NCAPG2: variants seen among roughly 807,000 people sequenced by gnomAD.
NCAPG2 encodes non-SMC condensin II complex subunit G2.
Under a neutral mutation model 141.1 loss-of-function variants are expected in NCAPG2, and 53 were observed. The observed-to-expected ratio is 0.38, with a 90% CI of 0.30 to 0.47. NCAPG2 has a LOEUF of 0.47. Among genes scored for constraint, NCAPG2 ranks in the 20% least tolerant of loss-of-function variants. The pLI is 0.99. For synonymous variants in NCAPG2, 499 were observed against 490.7 expected, an observed-to-expected ratio of 1.02 and a Z score of -0.22; for missense variants, 1,087 against 1,389.0, an observed-to-expected ratio of 0.78 and a Z score of 3.46.
chr7:158,701,093 C>A (rs1227285580), intron 2 of NCAPG2, among the ~76,000 whole-genome samples: 1 of 152,190 alleles, frequency 6.6e-6, no homozygotes, highest in Non-Finnish European at 1.5e-5. Context: ...TGAATCTGCC[C>A]TCTTCCCACG....
At chr7:158,701,990 T>A in intron 1 of NCAPG2, 52 bp from the exon 2 acceptor site, 1 of 1,146,898 alleles carries the variant, frequency 8.7e-7, no homozygotes, top group Non-Finnish European at 1.2e-6. Flanking sequence ...TCTTTTCCTG[T>A]AAGATTTAAT....
At position 158,680,019 on chromosome 7, in the gene NCAPG2, G is replaced by A; in HGVS notation, c.1087C>T (p.Pro363Ser). 1 of 1,614,102 alleles carries A rather than the reference G, an allele frequency of 6.2e-7. No individual in the cohort carries two copies. The highest frequency in any genetic ancestry group is 8.5e-7 in the Non-Finnish European group (1 of 1,179,964). ...LFVEAFPIRD[P>S]NLHAIEMDSE... is the part of the protein sequence containing the mutation. ...TCCATTTCAATAGCATGAAGGTTTGGATCCCTAATAGGAAATGCTTCAACA... is the reference window on the plus strand; with the variant it reads ...TCCATTTCAATAGCATGAAGGTTTGAATCCCTAATAGGAAATGCTTCAACA... Residue 363 changes from proline (P) to serine (S), a missense_variant, in exon 11 of 28, where the codon CCA becomes TCA. Transcript: ENST00000356309.
At position 158,675,567 on chromosome 7, in the gene NCAPG2, G is replaced by C; in HGVS notation, c.1236C>G (p.Pro412=). The change falls in exon 12 of 28, where the codon CCC becomes CCG. Residue 412 remains proline, a synonymous_variant. Coordinates refer to ENST00000356309, the MANE Select transcript of NCAPG2 (RefSeq NM_017760.7). ...KITSKYWEMM[P]PTILIDLLKK... is the part of the protein sequence containing the mutation. ...TCAGGAGGTCAATAAGAATGGTCGG[G>C]GGCATCATTTCCCAGTACTTAGAAG... The C allele has an allele frequency of 6.2e-7, 1 of 1,613,726 alleles. No individual in the cohort carries two copies.
chr7:158,653,387 A>AAAAAAAAAATAAAAAAAAAATAAT (rs1554553516), intron 22 of NCAPG2, among the ~76,000 whole-genome samples: 1 of 146,092 alleles, frequency 6.8e-6, no homozygotes. Context: ...ATAAAAAAAA[A>AAAAAAAAAATAAAAAAAAAATAAT]AATAATAATA....
intron 11 of NCAPG2, among the ~76,000 whole-genome samples, chr7:158,677,536 A>AAAC (rs1554565991): frequency 6.7e-6 from 1 of 150,194 alleles, no homozygotes; most frequent in Non-Finnish European, 1.5e-5. Flanking sequence ...AAAAAAAAAA[A>AAAC]AAAAAAAAAA....
At chr7:158,690,811 T>A in intron 4 of NCAPG2, 89 bp from the exon 5 acceptor site, 1 of 1,224,566 alleles carries the variant, frequency 8.2e-7, no homozygotes, top group Non-Finnish European at 1.1e-6. Flanking sequence ...ACTTTATATA[T>A]TATTTAAAGC....
intron 2 of NCAPG2, among the ~76,000 whole-genome samples, chr7:158,701,583 G>A (rs190216567): frequency 6.3e-4 from 96 of 152,280 alleles, no homozygotes; most frequent in Non-Finnish European, 1.2e-3. Flanking sequence ...TTTGTTAGAT[G>A]GGTCCTTTCC....
rs750039564 is a variant in NCAPG2 at position 158,654,663 on chromosome 7, A to T, written c.2678T>A (p.Met893Lys). ...TYLTVCKDVV[M>K]VGLGDHQFQM... ...AAACTGATGGTCACCAAGGCCTACC[A>T]TAACAACATCTTTACACACAGTCAG... Residue 893 changes from methionine (M) to lysine (K), a missense_variant, in exon 22 of 28, where the codon ATG becomes AAG. Coordinates refer to ENST00000356309, the MANE Select transcript of NCAPG2 (RefSeq NM_017760.7). The T allele has an allele frequency of 6.2e-7, 1 of 1,614,152 alleles. No individual in the cohort carries two copies. The highest frequency in any genetic ancestry group is 8.5e-7 in the Non-Finnish European group (1 of 1,180,000).
At chr7:158,697,709 G>A (rs1169413076) in intron 2 of NCAPG2, among the ~76,000 whole-genome samples, 2 of 151,930 alleles carry the variant, frequency 1.3e-5, no homozygotes, top group Non-Finnish European at 2.9e-5. Flanking sequence ...ATCAATGATA[G>A]ACTGGATAAA....
intron 23 of NCAPG2, 107 bp downstream of exon 23, chr7:158,652,185 CG>C: frequency 1.8e-6 from 2 of 1,130,608 alleles, no homozygotes. Context: ...CACAACACTG[CG>C]TGTCACCCGA....
At chr7:158,641,978 A>C (rs1830681332) in intron 27 of NCAPG2, among the ~76,000 whole-genome samples, 1 of 152,184 alleles carries the variant, frequency 6.6e-6, no homozygotes, top group Non-Finnish European at 1.5e-5. Context: ...ACACTCACCA[A>C]GAGAGAACAC....
intron 24 of NCAPG2, among the ~76,000 whole-genome samples, chr7:158,647,054 G>GA (rs1563501702): frequency 6.6e-6 from 1 of 151,420 alleles, no homozygotes; most frequent in East Asian, 1.9e-4. Flanking sequence ...AAAGATAAAC[G>GA]AAAGTGTTTA....
At chr7:158,657,980 T>G (rs956381892) in intron 17 of NCAPG2, among the ~76,000 whole-genome samples, 11 of 151,588 alleles carry the variant, frequency 7.3e-5, no homozygotes, top group Non-Finnish European at 1.5e-4. Flanking sequence ...TCATCACCAC[T>G]CCCTAATCTC....
chr7:158,668,205 CTCCGCCCCCCCT>C, intron 13 of NCAPG2: 1 of 490,950 alleles, frequency 2.0e-6, no homozygotes, highest in African/African-American at 2.1e-5. Flanking sequence ...CCCTGGGTCC[CTCCGCCCCCCCT>C]TACCCACTAC....
rs138653911 is a variant in NCAPG2, at chr7:158,703,993, A to T, written c.-40+731T>A. 9.5e-3 allele frequency among the ~76,000 whole-genome samples: 1,259 copies of T among 132,614 alleles called. 13 individuals carry two copies. Among genetic ancestry groups the T allele is most frequent in the African/African-American group, 0.034 (1,183 of 35,186 alleles). The allele number at this position is 132,614 out of a possible 152,430, so 87.0% of individuals were successfully genotyped here. A position where few individuals can be genotyped will look rare whatever the true frequency, so the allele number is the denominator to read the frequency against. ...TGAGGGCAGTTCCCATGCCCAGGAC[A>T]GAGGGGGTCGCTCTCTGAGGGCAGT... On this transcript the variant is annotated intron_variant, in intron 1 of 27. Transcript: ENST00000356309.
chr7:158,658,238 G>A (rs1832171518), intron 17 of NCAPG2, 100 bp downstream of exon 17: 1 of 1,118,512 alleles, frequency 8.9e-7, no homozygotes, highest in South Asian at 2.2e-5. Flanking sequence ...ACAGTGAGCT[G>A]AAAGCTAAAT....
chr7:158,644,857 G>A (rs916055996), intron 26 of NCAPG2, among the ~76,000 whole-genome samples: 1 of 152,150 alleles, frequency 6.6e-6, no homozygotes, highest in African/African-American at 2.4e-5. Flanking sequence ...TCAATCTGCA[G>A]ATATCCTATC....
chr7:158,679,097 C>T (rs796508282), intron 11 of NCAPG2, among the ~76,000 whole-genome samples: 12 of 152,308 alleles, frequency 7.9e-5, no homozygotes, highest in African/African-American at 2.9e-4. Context: ...CTCAAATAGT[C>T]CTCCTACCTT....
chr7:158,665,596 T>G (rs1323664617), intron 13 of NCAPG2, among the ~76,000 whole-genome samples: 1 of 152,160 alleles, frequency 6.6e-6, no homozygotes, highest in Non-Finnish European at 1.5e-5. Context: ...CTTCTTTACA[T>G]CATTCCAACT....
Sources: gnomAD v4.1 joint callset for allele counts (sites outside exome capture counted in the v4.1 genomes callset) on GRCh38, gnomAD v4.1.1 for gene constraint, MANE v1.5 for transcripts, NCBI Gene and HGNC (gene_info 2026-07-23, HGNC 2026-07-21) for gene names.